NUDT8: variants seen among roughly 807,000 people sequenced by gnomAD.
The protein encoded by NUDT8 is mitochondrial coenzyme A diphosphatase NUDT8.
Under a neutral mutation model 12.5 loss-of-function variants are expected in NUDT8, and 14 were observed. The ratio of observed to expected loss-of-function variants is 1.12; its 90% CI spans 0.74 to 1.75. The LOEUF (loss-of-function observed/expected upper bound fraction) is 1.75. Among genes scored for constraint, NUDT8 ranks in the 40% most tolerant of loss-of-function variants. NUDT8 has a pLI of 0.00. For missense variants in NUDT8, 337 were observed against 318.5 expected (o/e 1.06, Z -0.44); for synonymous variants, 163 against 156.2 (o/e 1.04, Z -0.33).
rs756092399 is a variant in NUDT8, at chr11:67,628,261, G to A, written c.406-10C>T. 1 of 1,613,190 alleles carries A rather than the reference G, an allele frequency of 6.2e-7. No homozygotes were observed. The highest frequency in any genetic ancestry group is 8.5e-7 in the Non-Finnish European group (1 of 1,179,510). Reference sequence around the variant, plus strand: ...CAAACACCTCATCTACCTGCAGGCAGGAGGCAGAGAGGGTAGACAGAGGAC... The same window carrying A: ...CAAACACCTCATCTACCTGCAGGCAAGAGGCAGAGAGGGTAGACAGAGGAC... On this transcript the variant is annotated splice_polypyrimidine_tract_variant and intron_variant, in intron 3 of 3. Coordinates refer to ENST00000376693, the MANE Select transcript of NUDT8 (RefSeq NM_001243750.2).
At chr11:67,628,430 C>T in intron 2 of NUDT8, 30 bp from the exon 3 acceptor site, 1 of 1,595,446 alleles carries the variant, frequency 6.3e-7, no homozygotes, top group Non-Finnish European at 8.6e-7. Context: ...GTCAGGGAAG[C>T]ATGGCCTTCG....
intron 1 of NUDT8, chr11:67,629,347 C>CA (rs1855167084): frequency 2.3e-6 from 1 of 438,340 alleles, no homozygotes; most frequent in Admixed American, 4.1e-5. Context: ...GCAACACTGA[C>CA]ATTGTCCTCA....
At position 67,628,339 on chromosome 11, in the gene NUDT8, C is replaced by T. The variant is rs1025215537; in HGVS notation, c.389G>A (p.Arg130Lys). 1.2e-6 allele frequency: 2 copies of T among 1,613,950 alleles called. No individual in the cohort carries two copies. Among genetic ancestry groups the T allele is most frequent in the Non-Finnish European group, 1.7e-6 (2 of 1,179,982 alleles). Residue 130 changes from arginine to lysine, a missense_variant, in exon 3 of 4, where the codon AGG (arginine) becomes AAG (lysine). Transcript: ENST00000376693. Reference protein sequence around the residue: ...GVGPLDPQSLRPNSEEVDEVF... With the variant: ...GVGPLDPQSLKPNSEEVDEVF... ...CCAGCTCACCTCCTCCGAGTTGGGC[C>T]TGAGGCTCTGGGGATCCAGTGGGCC...
chr11:67,629,395 C>T, intron 1 of NUDT8: 1 of 391,636 alleles, frequency 2.6e-6, no homozygotes, highest in East Asian at 3.9e-5. Context: ...GCCCGAACCT[C>T]TCCGTAGTCG....
chr11:67,628,522 C>A, intron 2 of NUDT8, 122 bp from the exon 3 acceptor site: 1 of 793,554 alleles, frequency 1.3e-6, no homozygotes, highest in African/African-American at 1.7e-5. Context: ...TGTTCGGGTC[C>A]ACCTGCCTGT....
At position 67,629,013 on chromosome 11, in the gene NUDT8, A is replaced by T. The variant is rs775561116; in HGVS notation, c.233T>A (p.Val78Glu). 1 of 1,612,844 alleles carries T rather than the reference A, an allele frequency of 6.2e-7. No homozygotes were observed. The highest frequency in any genetic ancestry group is 1.1e-5 in the South Asian group (1 of 91,042). Residue 78 changes from valine (V) to glutamate (E), a missense_variant, in exon 2 of 4, where the codon GTG (valine) becomes GAG (glutamate). By Grantham distance (121) the Val-to-Glu change is moderately radical. Transcript: ENST00000376693. The part of the protein sequence containing the change: ...GGKCDPADQD[V>E]VHTALRETRE... ...GGTTTCCCGCAGGGCCGTGTGCACC[A>T]CATCTTGGTCAGCCGGGTCGCACTT...
At position 67,629,768 on chromosome 11, in the gene NUDT8, C is replaced by CA. The variant is rs1855179329; in HGVS notation, c.143dup (p.Tyr49ValfsTer27). The CA allele has an allele frequency of 6.5e-7, 1 of 1,540,538 alleles. No homozygotes were observed. Among genetic ancestry groups the CA allele is most frequent in the South Asian group, 1.2e-5 (1 of 85,136 alleles). On this transcript the variant is annotated frameshift_variant, in exon 1 of 4. Transcript: ENST00000376693. LOFTEE classifies it high-confidence loss of function. ...TCAGGCGGCTGGACCGCAGCGTGTA[C>CA]AGCAGCGCCGGGACCCCACGCACTG...
Position 67,629,912 on chromosome 11 carries a change from G to GTCAA in NUDT8, c.-5_-2dup. On this transcript the variant is annotated 5_prime_UTR_variant, in exon 1 of 4. Transcript: ENST00000376693. ...CGGCCGACAGGCAGTCGGGCAGCAT[G>GTCAA]TCAAGTCCTGCGCGGCCGGGACACT... is the stretch of plus-strand genomic sequence containing the variant. The GTCAA allele has an allele frequency of 8.1e-7, 1 of 1,231,804 alleles. No homozygotes were observed. The highest frequency in any genetic ancestry group is 1.6e-5 in the African/African-American group (1 of 63,750). The allele number at this position is 1,231,804 out of a possible 1,614,324, so 76.3% of individuals were successfully genotyped here.
chr11:67,628,134 G>A lies in NUDT8; in HGVS notation c.523C>T (p.Pro175Ser), dbSNP rs920046374. The A allele has an allele frequency of 1.9e-6, 3 of 1,599,972 alleles. No individual in the cohort carries two copies. The highest frequency in any genetic ancestry group is 2.7e-5 in the African/African-American group (2 of 74,934). The change falls in exon 4 of 4, where the codon CCA becomes TCA. Residue 175 changes from proline (P) to serine (S), a missense_variant. Pro to Ser is a moderately conservative substitution (Grantham distance 74). Coordinates refer to ENST00000376693, the MANE Select transcript of NUDT8 (RefSeq NM_001243750.2). ...RYTLPVFLHG[P>S]HRVWGLTAVI... ...GCTGTGAGGCCCCAGACCCGGTGTG[G>A]TCCATGCAGGAAGACGGGTAGTGTG...
chr11:67,629,113 G>A (rs1297683229), intron 1 of NUDT8, 62 bp from the exon 2 acceptor site: 1 of 1,515,290 alleles, frequency 6.6e-7, no homozygotes, highest in Admixed American at 1.8e-5. Context: ...TCGGGGTATC[G>A]GCAGTGCGGG....
rs2134094498 is a variant in NUDT8 at position 67,628,541 on chromosome 11, G to T, written c.328-141C>A. The T allele has an allele frequency of 7.0e-6, 5 of 713,240 alleles. No homozygotes were observed. In the East Asian group the frequency reaches 1.1e-4, roughly 15 times the overall value. 44.2% of individuals were successfully genotyped at this position (713,240 alleles called of 1,614,324 possible). A position where few individuals can be genotyped will look rare whatever the true frequency, so the allele number is the denominator to read the frequency against. ...CGGGTCCACCTGCCTGTGTCCTCCAGCCATGCTGACTGACTCAGGTCCCCT... is the reference window on the plus strand; with the variant it reads ...CGGGTCCACCTGCCTGTGTCCTCCATCCATGCTGACTGACTCAGGTCCCCT... On this transcript the variant is annotated intron_variant, in intron 2 of 3. Coordinates refer to ENST00000376693, the MANE Select transcript of NUDT8 (RefSeq NM_001243750.2).
At chr11:67,629,676 T>C in intron 1 of NUDT8, 42 bp downstream of exon 1, 1 of 1,286,032 alleles carries the variant, frequency 7.8e-7, no homozygotes, top group Non-Finnish European at 1.0e-6. Context: ...CCCGGGCTCC[T>C]GTAGCCTCCG....
chr11:67,627,981 C>T lies in NUDT8; in HGVS notation c.676G>A (p.Ala226Thr). 1 of 1,595,800 alleles carries T rather than the reference C, an allele frequency of 6.3e-7. No individual in the cohort carries two copies. Among genetic ancestry groups the T allele is most frequent in the Non-Finnish European group, 8.5e-7 (1 of 1,178,138 alleles). ...PKQPLASPCQASSTPGLNKGL is the reference protein window; with the variant it reads ...PKQPLASPCQTSSTPGLNKGL ...TTATTCAGTCCTGGAGTGGAGCTGG[C>T]CTGACAGGGTGAAGCCAGGGGCTGC... Residue 226 changes from alanine to threonine, a missense_variant, in exon 4 of 4, where the codon GCC (alanine) becomes ACC (threonine). Transcript: ENST00000376693.
rs1855183007 is a variant in NUDT8, at chr11:67,629,840, C to CG, written c.71_72insC (p.Leu25AlafsTer51). On this transcript the variant is annotated frameshift_variant, in exon 1 of 4. Coordinates refer to ENST00000376693, the MANE Select transcript of NUDT8 (RefSeq NM_001243750.2). LOFTEE classifies it high-confidence loss of function. ...CGGCCGACGCGGGCCGCGCGCGGAG[C>CG]CGGGCCGTGGCCCCTGCCAGCAGCC... The CG allele has an allele frequency of 7.6e-7, 1 of 1,318,296 alleles. No homozygotes were observed. Among genetic ancestry groups the CG allele is most frequent in the Middle Eastern group, 2.9e-4 (1 of 3,490 alleles). 81.7% of individuals were successfully genotyped at this position (1,318,296 alleles called of 1,614,324 possible).
chr11:67,628,346 T>C lies in NUDT8; in HGVS notation c.382A>G (p.Ser128Gly). 1 of 1,613,882 alleles carries C rather than the reference T, an allele frequency of 6.2e-7. No individual in the cohort carries two copies. Among genetic ancestry groups the C allele is most frequent in the Non-Finnish European group, 8.5e-7 (1 of 1,179,962 alleles). The change falls in exon 3 of 4, where the codon AGC becomes GGC. Residue 128 changes from serine (S) to glycine (G), a missense_variant. Ser to Gly is a moderately conservative substitution (Grantham distance 56). Coordinates refer to ENST00000376693, the MANE Select transcript of NUDT8 (RefSeq NM_001243750.2). ...LAGVGPLDPQ[S>G]LRPNSEEVDE... ...ACCTCCTCCGAGTTGGGCCTGAGGC[T>C]CTGGGGATCCAGTGGGCCTACACCA... is the stretch of plus-strand genomic sequence containing the variant.
Position 67,628,989 on chromosome 11 carries a change from G to T in NUDT8, c.257C>A (p.Thr86Asn). The change falls in exon 2 of 4, where the codon ACC becomes AAC. Residue 86 changes from threonine to asparagine, a missense_variant. Coordinates refer to ENST00000376693, the MANE Select transcript of NUDT8 (RefSeq NM_001243750.2). ...CACTGCCAGGCCCAGCTCCTCCCGG[G>T]TTTCCCGCAGGGCCGTGTGCACCAC... is the stretch of plus-strand genomic sequence containing the variant. ...QDVVHTALRE[T>N]REELGLAVPE... The T allele has an allele frequency of 6.2e-7, 1 of 1,613,022 alleles. No homozygotes were observed. The highest frequency in any genetic ancestry group is 1.1e-5 in the South Asian group (1 of 91,050).
Position 67,629,865 on chromosome 11 carries a change from C to T in NUDT8, c.47G>A (p.Arg16Gln), listed in dbSNP as rs1855183889. The change falls in exon 1 of 4, where the codon CGG (arginine) becomes CAG (glutamine). Residue 16 changes from arginine to glutamine, a missense_variant. Physicochemically the swap from Arg to Gln is conservative, Grantham distance 43. Transcript: ENST00000376693. ...CCGGGCCGTGGCCCCTGCCAGCAGC[C>T]GGCGGCAGCGCAGCTCGCCCTCGGC... Reference protein sequence around the residue: ...LSAEGELRCRRLLAGATARLR... With the variant: ...LSAEGELRCRQLLAGATARLR... 1.6e-6 allele frequency: 2 copies of T among 1,254,880 alleles called. No homozygotes were observed. Among genetic ancestry groups the T allele is most frequent in the Non-Finnish European group, 9.9e-7 (1 of 1,006,774 alleles). 77.7% of individuals were successfully genotyped at this position (1,254,880 alleles called of 1,614,324 possible). A position where few individuals can be genotyped will look rare whatever the true frequency, so the allele number is the denominator to read the frequency against.
rs940174481 is a variant in NUDT8, at chr11:67,629,888, G to A, written c.24C>T (p.Ala8=). 2.7e-5 allele frequency: 34 copies of A among 1,240,110 alleles called. No homozygotes were observed. The highest frequency in any genetic ancestry group is 3.1e-5 in the African/African-American group (2 of 63,782). The allele number at this position is 1,240,110 out of a possible 1,614,324, so 76.8% of individuals were successfully genotyped here. MLPDCLS[A]EGELRCRRLL... The stretch of plus-strand genomic sequence containing the variant: ...GCCGGCGGCAGCGCAGCTCGCCCTC[G>A]GCCGACAGGCAGTCGGGCAGCATGT... Residue 8 remains alanine, a synonymous_variant, in exon 1 of 4, where the codon GCC becomes GCT. Coordinates refer to ENST00000376693, the MANE Select transcript of NUDT8 (RefSeq NM_001243750.2).
rs1256509692 is a variant in NUDT8, at chr11:67,629,027, C to T, written c.219G>A (p.Pro73=). 1.9e-6 allele frequency: 3 copies of T among 1,612,152 alleles called. No homozygotes were observed. Among genetic ancestry groups the T allele is most frequent in the East Asian group, 2.2e-5 (1 of 44,858 alleles). ...DVSFPGGKCD[P]ADQDVVHTAL... Reference sequence around the variant, plus strand: ...CCGTGTGCACCACATCTTGGTCAGCCGGGTCGCACTTGCCGCCTGGGAAAC... The same window carrying T: ...CCGTGTGCACCACATCTTGGTCAGCTGGGTCGCACTTGCCGCCTGGGAAAC... Residue 73 remains proline, a synonymous_variant, in exon 2 of 4, where the codon CCG becomes CCA. Coordinates refer to ENST00000376693, the MANE Select transcript of NUDT8 (RefSeq NM_001243750.2).
Sources: allele counts gnomAD v4.1 joint callset, GRCh38; gene constraint gnomAD v4.1.1; transcripts MANE v1.5; gene names NCBI Gene and HGNC (gene_info 2026-07-23, HGNC 2026-07-21).